SETBP1: variants seen among roughly 807,000 people sequenced by gnomAD.
SETBP1 encodes SET-binding protein.
Under a neutral mutation model 101.0 loss-of-function variants are expected in SETBP1, and 9 were observed. That is an observed-to-expected ratio of 0.09 (90% CI 0.05 to 0.16). The LOEUF (loss-of-function observed/expected upper bound fraction) is 0.16. SETBP1 is among the 10% of genes least tolerant of loss of function. SETBP1 has a pLI of 1.00. For missense variants in SETBP1, 1,858 were observed against 2,033.8 expected (o/e 0.91, Z 1.66); for synonymous variants, 818 against 788.5 (o/e 1.04, Z -0.63).
intron 3 of SETBP1, among the ~76,000 whole-genome samples, chr18:44,940,702 T>C (rs534658262): frequency 3.2e-4 from 48 of 152,220 alleles, no homozygotes; most frequent in Non-Finnish European, 5.3e-4. Context: ...TCTACAAATG[T>C]CATAAATCCT....
At chr18:45,034,588 T>A (rs924970504) in intron 4 of SETBP1, among the ~76,000 whole-genome samples, 10 of 152,322 alleles carry the variant, frequency 6.6e-5, no homozygotes, top group Middle Eastern at 3.4e-3. Flanking sequence ...ATGTTTTTCC[T>A]ATAGGTTTAA....
intron 2 of SETBP1, among the ~76,000 whole-genome samples, chr18:44,796,825 A>G (rs1380132313): frequency 6.6e-6 from 1 of 152,208 alleles, no homozygotes; most frequent in Non-Finnish European, 1.5e-5. Context: ...ACACACGCGC[A>G]CACACATGCA....
rs71177656 is a variant in SETBP1 at position 44,806,623 on chromosome 18, C to CTT, written c.487-62567_487-62566dup. Among the ~76,000 whole-genome samples, 34 of 27,820 alleles carry CTT rather than the reference C, an allele frequency of 1.2e-3. 5 individuals are homozygous for CTT. The highest frequency in any genetic ancestry group is 1.6e-3 in the Non-Finnish European group (22 of 13,672). The allele number at this position is 27,820 out of a possible 152,430, so 18.3% of individuals were successfully genotyped here. On this transcript the variant is annotated intron_variant, in intron 2 of 5. Transcript: ENST00000649279. Reference sequence around the variant, plus strand: ...GTAGACTTTGGCTCATAATGAGCTCCTTTTTTTTTTTTTTTTTTTTTTTTT... The same window carrying CTT: ...GTAGACTTTGGCTCATAATGAGCTCCTTTTTTTTTTTTTTTTTTTTTTTTTTT...
chr18:45,053,925 T>G (rs1385519308), intron 5 of SETBP1, among the ~76,000 whole-genome samples: 1 of 152,152 alleles, frequency 6.6e-6, no homozygotes, highest in Non-Finnish European at 1.5e-5. Flanking sequence ...TAAAGAGCCC[T>G]TTGAGAGGGT....
At chr18:44,746,759 A>G (rs1396757111) in intron 2 of SETBP1, among the ~76,000 whole-genome samples, 10 of 152,242 alleles carry the variant, frequency 6.6e-5, no homozygotes, top group Admixed American at 6.5e-4. Flanking sequence ...AATATCATGC[A>G]TGGGACACAG....
chr18:44,915,982 T>C (rs1354751653), intron 3 of SETBP1, among the ~76,000 whole-genome samples: 2 of 152,138 alleles, frequency 1.3e-5, no homozygotes, highest in African/African-American at 2.4e-5. Context: ...TCCTAGGACT[T>C]TGGGAGGCCG....
Position 44,744,975 on chromosome 18 carries a change from G to T in SETBP1, c.486+43143G>T, listed in dbSNP as rs576715904. 2.3e-4 allele frequency among the ~76,000 whole-genome samples: 35 copies of T among 152,172 alleles called. No homozygotes were observed. The East Asian group carries it at 5.6e-3, about 24-fold the overall frequency. On this transcript the variant is annotated intron_variant, in intron 2 of 5. Transcript: ENST00000649279. ...GCTCCTGAATGAAGCTGTTATGCGC[G>T]TCTGGGGCTGGCGGGCAGGCTGTCC...
chr18:45,039,162 T>C (rs1280446400), intron 5 of SETBP1, among the ~76,000 whole-genome samples: 1 of 152,170 alleles, frequency 6.6e-6, no homozygotes, highest in African/African-American at 2.4e-5. Flanking sequence ...AAGATAGTAA[T>C]CACTGATTTA....
At chr18:44,739,488 G>C (rs981103384) in intron 2 of SETBP1, among the ~76,000 whole-genome samples, 12 of 152,130 alleles carry the variant, frequency 7.9e-5, no homozygotes, top group Non-Finnish European at 1.6e-4. Flanking sequence ...GCTATAATTT[G>C]TAGAACTGTT....
intron 4 of SETBP1, among the ~76,000 whole-genome samples, chr18:44,997,925 C>G (rs932097936): frequency 6.6e-6 from 1 of 152,184 alleles, no homozygotes; most frequent in Admixed American, 6.5e-5. Flanking sequence ...TATGAGGTTT[C>G]CCCTGCTACT....
At chr18:44,704,031 C>A (rs925856751) in intron 2 of SETBP1, among the ~76,000 whole-genome samples, 13 of 152,140 alleles carry the variant, frequency 8.5e-5, no homozygotes, top group African/African-American at 2.9e-4. Context: ...AAGCAGCAAC[C>A]CACAGTTTTG....
chr18:44,752,900 G>A (rs1279838095), intron 2 of SETBP1, among the ~76,000 whole-genome samples: 4 of 152,136 alleles, frequency 2.6e-5, no homozygotes, highest in Non-Finnish European at 5.9e-5. Flanking sequence ...GTGTTTTCTT[G>A]GAAGAGCTTA....
intron 2 of SETBP1, among the ~76,000 whole-genome samples, chr18:44,856,896 G>T (rs558937025): frequency 6.6e-6 from 1 of 152,272 alleles, no homozygotes; most frequent in African/African-American, 2.4e-5. Context: ...CTTTCCTGGA[G>T]CCACCCTTGC....
chr18:44,804,065 C>T (rs1216349458), intron 2 of SETBP1, among the ~76,000 whole-genome samples: 1 of 151,996 alleles, frequency 6.6e-6, no homozygotes, highest in East Asian at 1.9e-4. Context: ...TTTTAGCCAT[C>T]CATACCTTTT....
At chr18:44,752,160 C>T (rs1200149261) in intron 2 of SETBP1, among the ~76,000 whole-genome samples, 1 of 152,176 alleles carries the variant, frequency 6.6e-6, no homozygotes, top group Non-Finnish European at 1.5e-5. Context: ...AGTGAAAGAA[C>T]AATCCACGTT....
chr18:44,770,077 C>T (rs1041467974), intron 2 of SETBP1, among the ~76,000 whole-genome samples: 1 of 152,220 alleles, frequency 6.6e-6, no homozygotes, highest in Non-Finnish European at 1.5e-5. Context: ...CTTTCCCCTC[C>T]TCCCAGCTCT....
At chr18:45,056,631 A>G (rs1438051238) in intron 5 of SETBP1, among the ~76,000 whole-genome samples, 1 of 152,220 alleles carries the variant, frequency 6.6e-6, no homozygotes, top group Non-Finnish European at 1.5e-5. Flanking sequence ...GAGGAGGTGA[A>G]CAGTGTGGGC....
chr18:44,853,996 G>A (rs1004397880), intron 2 of SETBP1, among the ~76,000 whole-genome samples: 1 of 152,010 alleles, frequency 6.6e-6, no homozygotes, highest in Admixed American at 6.5e-5. Flanking sequence ...TAATTCTTTT[G>A]TCCTACCCAT....
At chr18:45,049,306 C>A (rs2073682058) in intron 5 of SETBP1, among the ~76,000 whole-genome samples, 1 of 151,998 alleles carries the variant, frequency 6.6e-6, no homozygotes, top group African/African-American at 2.4e-5. Context: ...GCAGATGAGT[C>A]TGGAAGGGAA....
Sources: gnomAD v4.1 joint callset for allele counts (sites outside exome capture counted in the v4.1 genomes callset) on GRCh38, gnomAD v4.1.1 for gene constraint, MANE v1.5 for transcripts, NCBI Gene and HGNC (gene_info 2026-07-23, HGNC 2026-07-21) for gene names.